The following OCA2 variants were observed in gnomAD, a reference collection of about 807,000 sequenced individuals.
OCA2 encodes OCA2 melanosomal transmembrane protein, also known as P protein.
In OCA2, 77 loss-of-function variants were observed where a neutral mutation model predicts 100.2. The observed-to-expected ratio is 0.77, with a 90% confidence interval of 0.64 to 0.93. The LOEUF (loss-of-function observed/expected upper bound fraction) is 0.93, where lower values mean the gene tolerates loss of function less well. OCA2 is among the 40% of genes least tolerant of loss of function. The pLI is 0.00. For missense variants in OCA2, 1,062 were observed against 1,089.1 expected (o/e 0.98, Z 0.35); for synonymous variants, 432 against 439.2 (o/e 0.98, Z 0.21).
At chr15:27,734,411 C>G in the OCA2 span, among the ~76,000 whole-genome samples, 2 of 152,020 alleles carry the variant, frequency 1.3e-5, no homozygotes, top group African/African-American at 4.8e-5. Flanking sequence ...CTTTCCCAAC[C>G]TCAATCAGCA....
At chr15:27,954,679 C>G (rs2040156801) in intron 17 of OCA2, among the ~76,000 whole-genome samples, 3 of 151,898 alleles carry the variant, frequency 2.0e-5, no homozygotes, top group Non-Finnish European at 4.4e-5. Flanking sequence ...AGAAAGTCCA[C>G]CCCCATGGAA....
At chr15:27,920,793 A>G (rs1052933926) in intron 19 of OCA2, among the ~76,000 whole-genome samples, 1 of 152,172 alleles carries the variant, frequency 6.6e-6, no homozygotes, top group Non-Finnish European at 1.5e-5. Context: ...GAGGGACTCA[A>G]TATAATATTT....
intron 1 of OCA2, among the ~76,000 whole-genome samples, chr15:28,088,954 AC>A (rs1371485599): frequency 3.3e-5 from 5 of 152,230 alleles, no homozygotes; most frequent in Admixed American, 3.3e-4. Flanking sequence ...TGGGAGCACT[AC>A]GGGAGACCAG....
At chr15:28,044,983 C>T (rs2043307053) in intron 2 of OCA2, among the ~76,000 whole-genome samples, 1 of 151,996 alleles carries the variant, frequency 6.6e-6, no homozygotes, top group African/African-American at 2.4e-5. Context: ...TTATTTCTTT[C>T]CCAATATGAC....
intron 21 of OCA2, among the ~76,000 whole-genome samples, chr15:27,867,188 A>G (rs2036360226): frequency 6.6e-6 from 1 of 151,276 alleles, no homozygotes; most frequent in South Asian, 2.1e-4. Context: ...TGATACCACT[A>G]GGTGCATTAC....
intron 9 of OCA2, 39 bp downstream of exon 9, chr15:28,014,737 T>C: frequency 6.2e-7 from 1 of 1,604,546 alleles, no homozygotes; most frequent in Non-Finnish European, 8.5e-7. Flanking sequence ...TCCCTGACTG[T>C]GGGCCCAGAC....
intron 1 of OCA2, among the ~76,000 whole-genome samples, chr15:28,089,776 C>T (rs2044841356): frequency 2.0e-5 from 3 of 152,162 alleles, no homozygotes; most frequent in African/African-American, 4.8e-5. Context: ...GAACAACAGA[C>T]ACTGGGGACT....
intron 23 of OCA2, among the ~76,000 whole-genome samples, chr15:27,755,699 G>GT (rs932378270): frequency 6.6e-6 from 1 of 152,136 alleles, no homozygotes; most frequent in Non-Finnish European, 1.5e-5. Context: ...ACTGCTTAAG[G>GT]TTTTCTCAAA....
intron 23 of OCA2, among the ~76,000 whole-genome samples, chr15:27,820,855 A>ACTT (rs2034475718): frequency 6.6e-6 from 1 of 152,148 alleles, no homozygotes; most frequent in Admixed American, 6.5e-5. Flanking sequence ...GTAAGTGGCA[A>ACTT]TTTGCCTTTG....
chr15:27,918,126 C>G (rs112130965), intron 19 of OCA2, among the ~76,000 whole-genome samples: 7,546 of 135,686 alleles, frequency 0.056, 718 homozygotes, highest in African/African-American at 0.2. Flanking sequence ...CAGAGTCTCA[C>G]TCTGTCACCT....
At chr15:27,728,488 T>C in the OCA2 span, among the ~76,000 whole-genome samples, 1 of 152,164 alleles carries the variant, frequency 6.6e-6, no homozygotes, top group African/African-American at 2.4e-5. Context: ...CCTTCTTTCA[T>C]TTTTGCTCTT....
intron 19 of OCA2, chr15:27,896,566 G>C (rs2037697367): frequency 2.8e-6 from 1 of 361,362 alleles, no homozygotes; most frequent in Non-Finnish European, 5.2e-6. Context: ...GCTCAGAAGT[G>C]GGCTTCTGAG....
chr15:27,748,977 G>C, the OCA2 span, among the ~76,000 whole-genome samples: 1 of 151,896 alleles, frequency 6.6e-6, no homozygotes, highest in East Asian at 1.9e-4. Context: ...AATGAACAGA[G>C]CTTTAAGACT....
chr15:28,082,644 C>G (rs1438461889), intron 1 of OCA2, among the ~76,000 whole-genome samples: 3 of 152,194 alleles, frequency 2.0e-5, no homozygotes, highest in Middle Eastern at 3.2e-3. Context: ...AAGTGGTACA[C>G]TGTGATGTTT....
At chr15:27,916,284 A>G (rs2038660519) in intron 19 of OCA2, among the ~76,000 whole-genome samples, 1 of 152,164 alleles carries the variant, frequency 6.6e-6, no homozygotes, top group Non-Finnish European at 1.5e-5. Flanking sequence ...CTGTAAGCCA[A>G]GCCCCCATGA....
intron 9 of OCA2, among the ~76,000 whole-genome samples, chr15:27,998,149 A>G (rs1001766901): frequency 2.8e-5 from 4 of 141,732 alleles, no homozygotes; most frequent in Non-Finnish European, 6.3e-5. Context: ...CAAGGACTTC[A>G]TGTCTAAAAT....
chr15:27,836,424 C>T (rs1160084714), intron 23 of OCA2, among the ~76,000 whole-genome samples: 2 of 151,988 alleles, frequency 1.3e-5, no homozygotes, highest in Non-Finnish European at 2.9e-5. Flanking sequence ...TCTTTCCTTC[C>T]TTCTTTCCTT....
intron 14 of OCA2, among the ~76,000 whole-genome samples, chr15:27,970,146 G>A (rs2040721428): frequency 1.3e-5 from 2 of 152,158 alleles, no homozygotes; most frequent in Admixed American, 6.5e-5. Flanking sequence ...GCCTCTGGCA[G>A]AGACACAGAT....
At chr15:27,880,510 C>A (rs894785777) in intron 19 of OCA2, among the ~76,000 whole-genome samples, 2 of 151,966 alleles carry the variant, frequency 1.3e-5, no homozygotes, top group Admixed American at 6.6e-5. Flanking sequence ...TTTTCCATTT[C>A]TTTGTGTCCT....
Sources: allele counts gnomAD v4.1 joint callset (sites outside exome capture counted in the v4.1 genomes callset), GRCh38; gene constraint gnomAD v4.1.1; transcripts MANE v1.5; gene names NCBI Gene and HGNC (gene_info 2026-07-23, HGNC 2026-07-21).